The following ADAMTS10 variants were observed in gnomAD, a reference collection of about 807,000 sequenced individuals.
ADAMTS10 encodes ADAM metallopeptidase with thrombospondin type 1 motif 10, also known as A disintegrin and metalloproteinase with thrombospondin motifs 10.
ADAMTS10 carries 48 observed loss-of-function variants against 135.9 expected under a neutral mutation model. The ratio of observed to expected loss-of-function variants is 0.35; its 90% CI spans 0.28 to 0.45. ADAMTS10 has a LOEUF of 0.45. ADAMTS10 is among the 20% of genes least tolerant of loss of function. ADAMTS10 has a pLI of 1.00. For synonymous variants in ADAMTS10, 621 were observed against 647.5 expected, an observed-to-expected ratio of 0.96 and a Z score of 0.62; for missense variants, 1,131 against 1,565.2, an observed-to-expected ratio of 0.72 and a Z score of 4.68.
intron 25 of ADAMTS10, among the ~76,000 whole-genome samples, chr19:8,582,059 G>A (rs1438006838): frequency 1.5e-5 from 2 of 134,370 alleles, no homozygotes; most frequent in African/African-American, 5.7e-5. Context: ...AAACAAACAC[G>A]ACCCAATAAA....
rs781975248 is a variant in ADAMTS10, at chr19:8,589,431, C to G, written c.2034+21G>C. On this transcript the variant is annotated intron_variant, in intron 17 of 25. Transcript: ENST00000597188. Reference sequence around the variant, plus strand: ...CCCCCGCTCCCCATCCCCTCTCCACCTCCCTGGGAGTCCCCTCCACCTTGC... The same window carrying G: ...CCCCCGCTCCCCATCCCCTCTCCACGTCCCTGGGAGTCCCCTCCACCTTGC... 5 of 1,613,230 alleles carry G rather than the reference C, an allele frequency of 3.1e-6. No homozygotes were observed. The East Asian group carries it at 1.1e-4, about 36-fold the overall frequency.
chr19:8,605,401 T>C lies in ADAMTS10; in HGVS notation c.89-43A>G. 1 of 1,543,276 alleles carries C rather than the reference T, an allele frequency of 6.5e-7. No homozygotes were observed. Among genetic ancestry groups the C allele is most frequent in the Non-Finnish European group, 8.8e-7 (1 of 1,137,848 alleles). On this transcript the variant is annotated intron_variant, in intron 3 of 25. Coordinates refer to ENST00000597188, the MANE Select transcript of ADAMTS10 (RefSeq NM_030957.4). The surrounding 1 kb of genome is among the most constrained non-coding windows in gnomAD (Gnocchi z 7.7). ...AGGCCTGGGGTGGGCCCTGGTCTTA[T>C]TGGACCCCTGTGTCCTGGCTGTTAG...
At position 8,596,356 on chromosome 19, in the gene ADAMTS10, CCTCATTGACG is replaced by C; in HGVS notation, c.1131_1140del (p.Ser377ArgfsTer21). On this transcript the variant is annotated frameshift_variant, in exon 10 of 26. Transcript: ENST00000597188. LOFTEE classifies it high-confidence loss of function. The surrounding 1 kb of genome is among the most constrained non-coding windows in gnomAD (Gnocchi z 7.2). ...GTGAACGCTGTGGCCAGGCCAATGT[CCTCATTGACG>C]CTGCAGCTTCTCTCGCGCTCACACA... The C allele has an allele frequency of 6.2e-7, 1 of 1,613,142 alleles. No homozygotes were observed.
chr19:8,608,981 T>G (rs2042751360), intron 1 of ADAMTS10, among the ~76,000 whole-genome samples: 1 of 142,686 alleles, frequency 7.0e-6, no homozygotes, highest in East Asian at 2.1e-4. Context: ...GGTGTCGAGG[T>G]GTGACACAGC....
rs565967369 is a variant in ADAMTS10 at position 8,595,418 on chromosome 19, G to A, written c.1479+344C>T. 2.6e-5 allele frequency among the ~76,000 whole-genome samples: 4 copies of A among 152,256 alleles called. No homozygotes were observed. The South Asian group carries it at 8.3e-4, about 32-fold the overall frequency. Reference sequence around the variant, plus strand: ...TATTTCCGTCAGGACTGGATGTTTAGTTAAAAACTGCCCCGTGAGAGGTCT... The same window carrying A: ...TATTTCCGTCAGGACTGGATGTTTAATTAAAAACTGCCCCGTGAGAGGTCT... On this transcript the variant is annotated intron_variant, in intron 12 of 25. Coordinates refer to ENST00000597188, the MANE Select transcript of ADAMTS10 (RefSeq NM_030957.4).
At chr19:8,590,031 G>C (rs2042501644) in intron 15 of ADAMTS10, 40 bp from the exon 16 acceptor site, 2 of 1,445,520 alleles carry the variant, frequency 1.4e-6, no homozygotes, top group Non-Finnish European at 1.9e-6. Flanking sequence ...GGCCAGGCTT[G>C]GGGGGATGGA....
intron 13 of ADAMTS10, 133 bp from the exon 14 acceptor site, chr19:8,592,236 T>A (rs2042544009): frequency 2.1e-6 from 3 of 1,458,000 alleles, no homozygotes; most frequent in Non-Finnish European, 2.7e-6. Context: ...GGTCTGAACA[T>A]GCGAACAGAG....
Position 8,605,516 on chromosome 19 carries a change from C to A in ADAMTS10, c.88+107G>T. 1 of 1,458,114 alleles carries A rather than the reference C, an allele frequency of 6.9e-7. No individual in the cohort carries two copies. The highest frequency in any genetic ancestry group is 9.3e-7 in the Non-Finnish European group (1 of 1,070,008). 90.3% of individuals were successfully genotyped at this position (1,458,114 alleles called of 1,614,324 possible). A position where few individuals can be genotyped will look rare whatever the true frequency, so the allele number is the denominator to read the frequency against. ...CCCGCCTATTGACCCCAGGGCCTTC[C>A]CCCATTGACCCCCATCCCAGCCCCC... On this transcript the variant is annotated intron_variant, in intron 3 of 25. Coordinates refer to ENST00000597188, the MANE Select transcript of ADAMTS10 (RefSeq NM_030957.4). This position sits in a 1 kb window ranked among gnomAD's most constrained non-coding sequence, Gnocchi z 7.7.
At chr19:8,606,980 G>A (rs1211785314) in intron 2 of ADAMTS10, among the ~76,000 whole-genome samples, 1 of 152,146 alleles carries the variant, frequency 6.6e-6, no homozygotes, top group Non-Finnish European at 1.5e-5. Context: ...AGAGACAGGC[G>A]AAGGTGCACC....
chr19:8,603,507 C>T (rs1555741875), intron 5 of ADAMTS10, among the ~76,000 whole-genome samples: 1 of 152,182 alleles, frequency 6.6e-6, no homozygotes, highest in Non-Finnish European at 1.5e-5. Flanking sequence ...CTCCTGACCT[C>T]AGGTGATCCG....
At chr19:8,589,800 A>G in intron 16 of ADAMTS10, 89 bp downstream of exon 16, 2 of 1,459,972 alleles carry the variant, frequency 1.4e-6, no homozygotes, top group Non-Finnish European at 1.9e-6. Context: ...CTCAGGGCAG[A>G]CCCCGGGATG....
intron 25 of ADAMTS10, among the ~76,000 whole-genome samples, chr19:8,581,839 C>T (rs1389488251): frequency 8.3e-6 from 1 of 121,144 alleles, no homozygotes; most frequent in Non-Finnish European, 1.8e-5. Flanking sequence ...TGTCACAAAA[C>T]AAAACAAAAA....
At chr19:8,597,172 C>T in intron 7 of ADAMTS10, 40 bp from the exon 8 acceptor site, 2 of 1,614,114 alleles carry the variant, frequency 1.2e-6, no homozygotes, top group Non-Finnish European at 1.7e-6. Context: ...CACCCACCAC[C>T]CAGGGGACGG....
Position 8,596,950 on chromosome 19 carries a change from T to C in ADAMTS10, c.1040+37A>G, listed in dbSNP as rs375439212. ...TCATGGTTCCCTGGACCATCTGTTT[T>C]CTCAGCCCCAGTCCTAGACCTCTCC... On this transcript the variant is annotated intron_variant, in intron 8 of 25. Transcript: ENST00000597188. The surrounding 1 kb of genome is among the most constrained non-coding windows in gnomAD (Gnocchi z 7.2). 5.2e-5 allele frequency: 83 copies of C among 1,608,372 alleles called. No homozygotes were observed. The highest frequency in any genetic ancestry group is 6.5e-5 in the Non-Finnish European group (77 of 1,179,818).
intron 12 of ADAMTS10, among the ~76,000 whole-genome samples, chr19:8,593,929 C>T (rs73004572): frequency 2.4e-4 from 37 of 152,294 alleles, no homozygotes; most frequent in Middle Eastern, 3.4e-3. Flanking sequence ...CCTAGGTCAG[C>T]CCCTGAGAGA....
Position 8,589,333 on chromosome 19 carries a change from G to T in ADAMTS10, c.2067C>A (p.Asp689Glu). 6.2e-7 allele frequency: 1 copy of T among 1,612,432 alleles called. No individual in the cohort carries two copies. Among genetic ancestry groups the T allele is most frequent in the Non-Finnish European group, 8.5e-7 (1 of 1,179,950 alleles). Residue 689 changes from aspartate (D) to glutamate (E), a missense_variant, in exon 18 of 26, where the codon GAC becomes GAA. Around this residue, in one of 3 missense-constraint regions of ADAMTS10, gnomAD observed 745 missense variants for 1,056.3 expected, o/e 0.71. Coordinates refer to ENST00000597188, the MANE Select transcript of ADAMTS10 (RefSeq NM_030957.4). ...HVGCDRVLGS[D>E]LREDKCRVCG... Reference sequence around the variant, plus strand: ...ACACTCGGCACTTGTCCTCCCGCAGGTCGGAGCCCAGGACTCGGTCGCAGC... The same window carrying T: ...ACACTCGGCACTTGTCCTCCCGCAGTTCGGAGCCCAGGACTCGGTCGCAGC...
chr19:8,603,776 G>A lies in ADAMTS10; in HGVS notation c.544C>T (p.Arg182Cys), dbSNP rs781811044. 3.7e-6 allele frequency: 6 copies of A among 1,614,132 alleles called. No individual in the cohort carries two copies. The highest frequency in any genetic ancestry group is 3.3e-5 in the South Asian group (3 of 91,088). ...AGGTGGGGGTGACGCAGAGAGGAACGCTTGTACACCACATGTGGTCCACTT... is the reference window on the plus strand; with the variant it reads ...AGGTGGGGGTGACGCAGAGAGGAACACTTGTACACCACATGTGGTCCACTT... ...EESGPHVVYK[R>C]SSLRHPHLDT... is the part of the protein sequence containing the mutation. Residue 182 changes from arginine (R) to cysteine (C), a missense_variant, in exon 5 of 26, where the codon CGT (arginine) becomes TGT (cysteine). Transcript: ENST00000597188.
chr19:8,595,700 C>CAA, intron 12 of ADAMTS10, 62 bp downstream of exon 12: 8 of 1,317,834 alleles, frequency 6.1e-6, no homozygotes, highest in African/African-American at 1.5e-5. Flanking sequence ...GGTGGAGTTC[C>CAA]CTCCCCCAGC....
At chr19:8,587,510 A>G (rs2042454297) in intron 18 of ADAMTS10, among the ~76,000 whole-genome samples, 1 of 140,262 alleles carries the variant, frequency 7.1e-6, no homozygotes, top group Non-Finnish European at 1.5e-5. Context: ...TCTGTCACCC[A>G]GGTTGGAGTG....
Sources: gnomAD v4.1 joint callset for allele counts (sites outside exome capture counted in the v4.1 genomes callset) on GRCh38, gnomAD v4.1.1 for gene constraint, gnomAD v4.1.1 regional missense constraint, Gnocchi (gnomAD v3.1) non-coding constraint, MANE v1.5 for transcripts, NCBI Gene and HGNC (gene_info 2026-07-23, HGNC 2026-07-21) for gene names.